The following SDCBP2 variants were observed in gnomAD, a reference collection of about 807,000 sequenced individuals.
SDCBP2 encodes syntenin-2.
Under a neutral mutation model 30.7 loss-of-function variants are expected in SDCBP2, and 28 were observed. The ratio of observed to expected loss-of-function variants is 0.91; its 90% confidence interval spans 0.68 to 1.25. The LOEUF is 1.25. Ranked by LOEUF, SDCBP2 falls within the 50% of genes most tolerant of loss-of-function variation. SDCBP2 has a pLI of 0.00. For missense variants in SDCBP2, 399 were observed against 379.0 expected, an observed-to-expected ratio of 1.05 and a Z score of -0.44; for synonymous variants, 166 against 157.3, an observed-to-expected ratio of 1.06 and a Z score of -0.41.
In SDCBP2 at chr20:1,320,204, C is replaced by T. The variant is rs2088833201; in HGVS notation, c.54+159G>A. On this transcript the variant is annotated intron_variant, in intron 2 of 8. Transcript: ENST00000360779. This position sits in a 1 kb window ranked among gnomAD's most constrained non-coding sequence, Gnocchi z 4.7. ...TCTTGCTGTAACGCCATTGGCATTG[C>T]CCCCTGGATGTCTTCTCTGCCCAGC... 6.6e-6 allele frequency among the ~76,000 whole-genome samples: 1 copy of T among 152,214 alleles called. No individual in the cohort carries two copies. The highest frequency in any genetic ancestry group is 1.5e-5 in the Non-Finnish European group (1 of 68,036).
At chr20:1,327,106 C>T (rs879330262) in intron 1 of SDCBP2, among the ~76,000 whole-genome samples, 4 of 152,172 alleles carry the variant, frequency 2.6e-5, no homozygotes, top group Non-Finnish European at 5.9e-5. Context: ...GTAATTGGTT[C>T]CTCCGAAAGG....
intron 4 of SDCBP2, among the ~76,000 whole-genome samples, chr20:1,316,911 G>A (rs1169834178): frequency 1.3e-5 from 2 of 152,132 alleles, no homozygotes; most frequent in Non-Finnish European, 2.9e-5. Context: ...GCAGTAAGAA[G>A]GAATGAACTA....
rs1381702076 is a variant in SDCBP2, at chr20:1,324,925, T to G, written c.-20+4160A>C. On this transcript the variant is annotated intron_variant, in intron 1 of 8. Coordinates refer to ENST00000360779, the MANE Select transcript of SDCBP2 (RefSeq NM_080489.5). The surrounding 1 kb of genome is among the most constrained non-coding windows in gnomAD (Gnocchi z 4.7). ...GATCGGGTGTAAGCCAGCCTCAGCT[T>G]TTACAAAGTGAAATGCATATTCTTT... 6.6e-6 allele frequency among the ~76,000 whole-genome samples: 1 copy of G among 152,218 alleles called. No individual in the cohort carries two copies. Among genetic ancestry groups the G allele is most frequent in the Non-Finnish European group, 1.5e-5 (1 of 68,028 alleles).
chr20:1,322,220 C>T (rs992122233), intron 1 of SDCBP2: 2 of 152,238 alleles, frequency 1.3e-5, no homozygotes, highest in Non-Finnish European at 2.9e-5. Context: ...ATTTTCAAGT[C>T]TCAGATCAGG....
rs1283768997 is a variant in SDCBP2, at chr20:1,315,823, T to TA, written c.226-2326dup. 2.0e-5 allele frequency among the ~76,000 whole-genome samples: 3 copies of TA among 151,936 alleles called. No individual in the cohort carries two copies. The South Asian group carries it at 6.2e-4, about 31-fold the overall frequency. ...TTAAGCTACAGACTGAGAGAAAACA[T>TA]AAACCACACATCTGACAAAGGACTT... is the stretch of plus-strand genomic sequence containing the variant. On this transcript the variant is annotated intron_variant, in intron 4 of 8. Coordinates refer to ENST00000360779, the MANE Select transcript of SDCBP2 (RefSeq NM_080489.5).
Position 1,312,378 on chromosome 20 carries a change from A to G in SDCBP2, c.691T>C (p.Tyr231His). The change falls in exon 7 of 9, where the codon TAC becomes CAC. Residue 231 changes from tyrosine to histidine, a missense_variant. Tyr to His is a moderately conservative substitution (Grantham distance 83). Transcript: ENST00000360779. ...AARNGLLTNH[Y>H]VCEVDGQNVI... is the part of the protein sequence containing the mutation. The stretch of plus-strand genomic sequence containing the variant: ...TTCTGCCCGTCCACCTCACACACGT[A>G]GTGGTTGGTGAGGAGCCCGTTGCGG... The G allele has an allele frequency of 6.2e-7, 1 of 1,613,528 alleles. No homozygotes were observed.
chr20:1,326,219 A>G (rs573750325), intron 1 of SDCBP2, among the ~76,000 whole-genome samples: 1 of 152,188 alleles, frequency 6.6e-6, no homozygotes, highest in Admixed American at 6.5e-5. Flanking sequence ...CTCGCAGATT[A>G]TCCAAACTGG....
chr20:1,319,152 G>A (rs973278641), intron 3 of SDCBP2, among the ~76,000 whole-genome samples: 7 of 152,184 alleles, frequency 4.6e-5, no homozygotes, highest in Non-Finnish European at 1.0e-4. Context: ...TGACAAGTGT[G>A]GTATTTCATT....
At chr20:1,319,694 C>G (rs757872522) in intron 2 of SDCBP2, 35 bp from the exon 3 acceptor site, 1 of 1,489,584 alleles carries the variant, frequency 6.7e-7, no homozygotes. Context: ...TCAGCTGTGG[C>G]CAGGACCCCA....
intron 3 of SDCBP2, among the ~76,000 whole-genome samples, chr20:1,318,855 C>G (rs1045724029): frequency 2.6e-5 from 4 of 152,168 alleles, no homozygotes; most frequent in Non-Finnish European, 4.4e-5. Flanking sequence ...TGAGGAAAGG[C>G]CATGTAAGGA....
At position 1,312,855 on chromosome 20, in the gene SDCBP2, G is replaced by A. The variant is rs1395081458; in HGVS notation, c.385-93C>T. The A allele has an allele frequency of 2.9e-6, 4 of 1,367,286 alleles. No individual in the cohort carries two copies. In the East Asian group the frequency reaches 1.0e-4, roughly 34 times the overall value. The allele number at this position is 1,367,286 out of a possible 1,614,324, so 84.7% of individuals were successfully genotyped here. ...TGTTGTTTTCCTCCTGATACTCCAG[G>A]AACCTACAGGGTGCCAGGGACACAG... is the stretch of plus-strand genomic sequence containing the variant. On this transcript the variant is annotated intron_variant, in intron 5 of 8. Transcript: ENST00000360779.
chr20:1,314,593 A>AG (rs1219523645), intron 4 of SDCBP2, among the ~76,000 whole-genome samples: 1 of 148,220 alleles, frequency 6.7e-6, no homozygotes, highest in Admixed American at 6.7e-5. Context: ...ATCACTCAAA[A>AG]AAAAAAAAAA....
chr20:1,325,484 C>T (rs2088910054), intron 1 of SDCBP2: 1 of 152,278 alleles, frequency 6.6e-6, no homozygotes, highest in Non-Finnish European at 1.5e-5. Context: ...CTCGTGCTTT[C>T]TCCGGGCGCC....
intron 4 of SDCBP2, among the ~76,000 whole-genome samples, chr20:1,317,294 A>G (rs1350351778): frequency 1.3e-5 from 2 of 152,232 alleles, no homozygotes; most frequent in African/African-American, 4.8e-5. Context: ...CATTGAGGAA[A>G]CTGGGTGAAG....
In SDCBP2 at chr20:1,320,289, G is replaced by A. The variant is rs2122530490; in HGVS notation, c.54+74C>T. ...CTACGGGAATCTCCAAGTGGCCCCAGTACCCAGCACCTTCCAGGGTAATCC... is the reference window on the plus strand; with the variant it reads ...CTACGGGAATCTCCAAGTGGCCCCAATACCCAGCACCTTCCAGGGTAATCC... On this transcript the variant is annotated intron_variant, in intron 2 of 8. Coordinates refer to ENST00000360779, the MANE Select transcript of SDCBP2 (RefSeq NM_080489.5). This position sits in a 1 kb window ranked among gnomAD's most constrained non-coding sequence, Gnocchi z 4.7. 7.1e-7 allele frequency: 1 copy of A among 1,409,554 alleles called. No homozygotes were observed. Among genetic ancestry groups the A allele is most frequent in the Non-Finnish European group, 9.9e-7 (1 of 1,010,870 alleles). The allele number at this position is 1,409,554 out of a possible 1,614,324, so 87.3% of individuals were successfully genotyped here.
At chr20:1,319,809 T>A in intron 2 of SDCBP2, 150 bp from the exon 3 acceptor site, 1 of 627,814 alleles carries the variant, frequency 1.6e-6, no homozygotes, top group Non-Finnish European at 2.7e-6. Flanking sequence ...GGGCTCAAGA[T>A]CACGTAAACG....
rs1203342882 is a variant in SDCBP2 at position 1,313,411 on chromosome 20, C to T, written c.313G>A (p.Gly105Arg). Reference protein sequence around the residue: ...LGVRRAEIKPGVREIHLCKDE... With the variant: ...LGVRRAEIKPRVREIHLCKDE... ...TTGCACAGGTGGATCTCGCGCACCC[C>T]GGGCTTGATCTCAGCTCGCCGCACG... Residue 105 changes from glycine to arginine, a missense_variant, in exon 5 of 9, where the codon GGG becomes AGG. Coordinates refer to ENST00000360779, the MANE Select transcript of SDCBP2 (RefSeq NM_080489.5). The surrounding 1 kb of genome is among the most constrained non-coding windows in gnomAD (Gnocchi z 5.2). 1.9e-6 allele frequency: 3 copies of T among 1,607,860 alleles called. No homozygotes were observed. The highest frequency in any genetic ancestry group is 1.7e-5 in the Admixed American group (1 of 59,636).
intron 4 of SDCBP2, among the ~76,000 whole-genome samples, chr20:1,316,112 A>G (rs903860028): frequency 6.6e-6 from 1 of 152,146 alleles, no homozygotes; most frequent in Non-Finnish European, 1.5e-5. Context: ...AAAAAACAAG[A>G]AGAAGAAAAC....
chr20:1,328,704 C>T (rs551007704), intron 1 of SDCBP2, among the ~76,000 whole-genome samples: 4 of 152,274 alleles, frequency 2.6e-5, no homozygotes, highest in South Asian at 4.1e-4. Context: ...CCAGAGAAGT[C>T]GGCCTGAGCT....
Sources: allele counts gnomAD v4.1 joint callset (sites outside exome capture counted in the v4.1 genomes callset), GRCh38; gene constraint gnomAD v4.1.1; non-coding constraint Gnocchi (gnomAD v3.1); transcripts MANE v1.5; gene names NCBI Gene and HGNC (gene_info 2026-07-23, HGNC 2026-07-21).